Variants in HOMER2 observed in about 807,000 individuals in gnomAD.
HOMER2 encodes homer scaffold protein 2.
Under a neutral mutation model 47.0 loss-of-function variants are expected in HOMER2, and 27 were observed. The ratio of observed to expected loss-of-function variants is 0.57; its 90% CI spans 0.42 to 0.79. The LOEUF (loss-of-function observed/expected upper bound fraction) is 0.79. HOMER2 is among the 30% of genes least tolerant of loss of function. The probability of loss-of-function intolerance (pLI) is 0.00; values close to 1 mark genes in which losing one functional copy is unlikely to be tolerated. For missense variants in HOMER2, 443 were observed against 435.0 expected (o/e 1.02, Z -0.16); for synonymous variants, 161 against 163.8 (o/e 0.98, Z 0.13).
intron 6 of HOMER2, 59 bp downstream of exon 6, chr15:82,854,582 GCCC>G (rs1301400776): frequency 1.4e-5 from 22 of 1,517,394 alleles, no homozygotes; most frequent in Non-Finnish European, 1.9e-5. Flanking sequence ...GGTTGTGGGT[GCCC>G]CCATCTCCCA....
chr15:82,966,579 C>T (rs1808229816), intron 1 of HOMER2, among the ~76,000 whole-genome samples: 1 of 152,120 alleles, frequency 6.6e-6, no homozygotes, highest in South Asian at 2.1e-4. Context: ...AAAGGAGTCA[C>T]CCAGAATTGC....
intron 1 of HOMER2, among the ~76,000 whole-genome samples, chr15:82,982,491 G>C (rs1458600461): frequency 6.6e-6 from 1 of 152,190 alleles, no homozygotes; most frequent in Non-Finnish European, 1.5e-5. Context: ...CAGAGGCCTA[G>C]AGGCCCCTAA....
At chr15:82,855,413 G>A (rs1800168756) in intron 5 of HOMER2, among the ~76,000 whole-genome samples, 1 of 151,748 alleles carries the variant, frequency 6.6e-6, no homozygotes, top group African/African-American at 2.4e-5. Flanking sequence ...GGCGGGCAAG[G>A]CCCATCCCAT....
At chr15:82,933,787 T>C (rs1271752784) in intron 1 of HOMER2, among the ~76,000 whole-genome samples, 1 of 152,186 alleles carries the variant, frequency 6.6e-6, no homozygotes, top group Non-Finnish European at 1.5e-5. Flanking sequence ...TCACCAGGGC[T>C]GACTCACAGG....
chr15:82,910,686 T>G (rs1261714699), intron 1 of HOMER2, among the ~76,000 whole-genome samples: 3 of 152,190 alleles, frequency 2.0e-5, no homozygotes, highest in African/African-American at 4.8e-5. Flanking sequence ...GGAGTTTGCC[T>G]CGGAAGGCGT....
intron 1 of HOMER2, among the ~76,000 whole-genome samples, chr15:82,910,776 G>A (rs996329462): frequency 3.3e-5 from 5 of 152,080 alleles, no homozygotes; most frequent in African/African-American, 1.2e-4. Flanking sequence ...CTGTTCAATG[G>A]TCACCAGGTG....
At chr15:82,880,050 T>A (rs73446959) in intron 2 of HOMER2, among the ~76,000 whole-genome samples, 1,542 of 152,220 alleles carry the variant, frequency 0.01, 31 homozygotes, top group African/African-American at 0.036. Context: ...TCTATTCATA[T>A]AAAGGTCAAA....
At chr15:82,852,302 C>T (rs761528472) in intron 6 of HOMER2, 50 bp from the exon 7 acceptor site, 20 of 1,295,108 alleles carry the variant, frequency 1.5e-5, no homozygotes, top group Non-Finnish European at 2.1e-5. Flanking sequence ...TAACATTAGT[C>T]ATTAAGCAAG....
chr15:82,896,246 G>A (rs889001774), intron 1 of HOMER2, among the ~76,000 whole-genome samples: 1 of 152,156 alleles, frequency 6.6e-6, no homozygotes, highest in Non-Finnish European at 1.5e-5. Context: ...CTCTGTCCCT[G>A]AGGCCTACAG....
In HOMER2 at chr15:82,909,477, C is replaced by T. The variant is rs147754513; in HGVS notation, c.6-16636G>A. Among the ~76,000 whole-genome samples, 109 of 151,816 alleles carry T rather than the reference C, an allele frequency of 7.2e-4. 1 individual carries two copies. In the East Asian group the frequency reaches 0.019, roughly 27 times the overall value. The stretch of plus-strand genomic sequence containing the variant: ...GGAGTGGTGGGGTGAGTAGTTTTGG[C>T]GGGAGGGATGGTTACAGAACAGGTG... On this transcript the variant is annotated intron_variant, in intron 1 of 8. Coordinates refer to ENST00000450735, the MANE Select transcript of HOMER2 (RefSeq NM_004839.4).
chr15:82,864,035 C>T (rs980081682), intron 4 of HOMER2, 132 bp downstream of exon 4: 1 of 542,548 alleles, frequency 1.8e-6, no homozygotes, highest in African/African-American at 1.9e-5. Context: ...TCACTGTGAT[C>T]AGGCTAATAG....
intron 3 of HOMER2, among the ~76,000 whole-genome samples, chr15:82,868,543 T>TATATATATATATATATATATATATATATA (rs1567023464): frequency 1.4e-3 from 50 of 36,696 alleles, no homozygotes; most frequent in Non-Finnish European, 1.7e-3. Context: ...ATATATATAT[T>TATATATATATATATATATATATATATATA]TTTTTTTTTT....
intron 3 of HOMER2, among the ~76,000 whole-genome samples, chr15:82,868,191 T>C (rs1211358136): frequency 6.6e-6 from 1 of 152,090 alleles, no homozygotes; most frequent in African/African-American, 2.4e-5. Flanking sequence ...TTTATTGTTG[T>C]TGTTGTAAAT....
At chr15:82,976,772 A>G (rs934285355) in intron 1 of HOMER2, among the ~76,000 whole-genome samples, 2 of 143,352 alleles carry the variant, frequency 1.4e-5, no homozygotes, top group Admixed American at 1.5e-4. Context: ...CTCTGCCTCC[A>G]GGGTTCAAGC....
chr15:82,864,555 G>A (rs141544198), intron 3 of HOMER2, among the ~76,000 whole-genome samples: 13 of 152,168 alleles, frequency 8.5e-5, no homozygotes, highest in African/African-American at 2.6e-4. Context: ...AGAAATCCAC[G>A]GAAAACTTCA....
At chr15:82,881,974 T>C (rs2052535278) in intron 2 of HOMER2, among the ~76,000 whole-genome samples, 1 of 152,240 alleles carries the variant, frequency 6.6e-6, no homozygotes, top group Non-Finnish European at 1.5e-5. Flanking sequence ...TAACTCAGTC[T>C]GGAAAGAGTG....
chr15:82,981,732 T>C (rs1370716722), intron 1 of HOMER2, among the ~76,000 whole-genome samples: 1 of 152,222 alleles, frequency 6.6e-6, no homozygotes, highest in Non-Finnish European at 1.5e-5. Context: ...TTGAAGACCT[T>C]ATGCTAAGTA....
intron 1 of HOMER2, among the ~76,000 whole-genome samples, chr15:82,949,291 G>A (rs2054453313): frequency 6.6e-6 from 1 of 152,216 alleles, no homozygotes; most frequent in South Asian, 2.1e-4. Flanking sequence ...GGAGTTGCAG[G>A]TGGGACAGTA....
At chr15:82,898,383 A>C (rs2053005647) in intron 1 of HOMER2, 1 of 152,224 alleles carries the variant, frequency 6.6e-6, no homozygotes, top group African/African-American at 2.4e-5. Flanking sequence ...CAGAGGACAG[A>C]AATTACCTTC....
Sources: gnomAD v4.1 joint callset for allele counts (sites outside exome capture counted in the v4.1 genomes callset) on GRCh38, gnomAD v4.1.1 for gene constraint, MANE v1.5 for transcripts, NCBI Gene and HGNC (gene_info 2026-07-23, HGNC 2026-07-21) for gene names.